ZNF891: variants seen among roughly 807,000 people sequenced by gnomAD.
ZNF891 encodes hCG1646157.
For synonymous variants in ZNF891, 199 were observed against 209.0 expected, an observed-to-expected ratio of 0.95 and a Z score of 0.41; for missense variants, 589 against 632.7, an observed-to-expected ratio of 0.93 and a Z score of 0.74.
rs537263409 is a variant in ZNF891, at chr12:133,110,465, G to A, written c.*9819C>T. ...GAAGTTACTATGAATGCAGAAAGGC[G>A]ACAGAACAACAGATGCAATCAATAT... On this transcript the variant is annotated 3_prime_UTR_variant, in exon 2 of 2. Transcript: ENST00000537226. 17 of 152,270 alleles carry A rather than the reference G, an allele frequency of 1.1e-4. No individual in the cohort carries two copies. Among genetic ancestry groups the A allele is most frequent in the African/African-American group, 3.9e-4 (16 of 41,540 alleles). 9.4% of individuals were successfully genotyped at this position (152,270 alleles called of 1,614,324 possible). A position where few individuals can be genotyped will look rare whatever the true frequency, so the allele number is the denominator to read the frequency against.
At chr12:133,126,857 A>G (rs889566798) in intron 1 of ZNF891, among the ~76,000 whole-genome samples, 2 of 152,052 alleles carry the variant, frequency 1.3e-5, no homozygotes, top group African/African-American at 4.8e-5. Flanking sequence ...TCTAAAAGAA[A>G]AAGTAAGAAT....
chr12:133,120,811 G>A lies in ZNF891; in HGVS notation c.1108C>T (p.His370Tyr). The A allele has an allele frequency of 1.9e-6, 3 of 1,567,842 alleles. No individual in the cohort carries two copies. The highest frequency in any genetic ancestry group is 2.6e-6 in the Non-Finnish European group (3 of 1,157,708). The change falls in exon 2 of 2, where the codon CAC becomes TAC. Residue 370 changes from histidine to tyrosine, a missense_variant. By Grantham distance (83) the His-to-Tyr change is moderately conservative. Coordinates refer to ENST00000537226, the MANE Select transcript of ZNF891 (RefSeq NM_001277291.2). ...CATTCATAGGGTTTCTCTCCAGTGTGAGTTCTTACATGTCTCCTTAAGGTT... is the reference window on the plus strand; with the variant it reads ...CATTCATAGGGTTTCTCTCCAGTGTAAGTTCTTACATGTCTCCTTAAGGTT... Reference protein sequence around the residue: ...SSTLRRHVRTHTGEKPYECNQ... With the variant: ...SSTLRRHVRTYTGEKPYECNQ...
intron 1 of ZNF891, chr12:133,122,307 C>T: frequency 1.2e-6 from 1 of 852,854 alleles, no homozygotes; most frequent in Non-Finnish European, 1.4e-6. Context: ...TAAAGAGAAC[C>T]AACCAGTAAA....
In ZNF891 at chr12:133,106,113, G is replaced by T. The variant is rs748056251; in HGVS notation, c.*14171C>A. The T allele has an allele frequency of 2.5e-6, 4 of 1,614,150 alleles. No individual in the cohort carries two copies. The highest frequency in any genetic ancestry group is 3.4e-6 in the Non-Finnish European group (4 of 1,180,020). On this transcript the variant is annotated 3_prime_UTR_variant, in exon 2 of 2. Transcript: ENST00000537226. ...AAACAATATATATGTAGGAAATGTG[G>T]TAAAGCATTTAGCAGTGGCTCAGAA...
In ZNF891 at chr12:133,121,563, G is replaced by T; in HGVS notation, c.356C>A (p.Pro119His). 1 of 1,536,464 alleles carries T rather than the reference G, an allele frequency of 6.5e-7. No homozygotes were observed. Residue 119 changes from proline to histidine, a missense_variant, in exon 2 of 2, where the codon CCT becomes CAT. Pro to His is a moderately conservative substitution (Grantham distance 77). Coordinates refer to ENST00000537226, the MANE Select transcript of ZNF891 (RefSeq NM_001277291.2). Reference sequence around the variant, plus strand: ...CTGCACAGTTGATTCTTTGGTTTTAGGTTGAATCTTCTGGTCTGGACAGAT... The same window carrying T: ...CTGCACAGTTGATTCTTTGGTTTTATGTTGAATCTTCTGGTCTGGACAGAT... ...QAICPDQKIQ[P>H]KTKESTVQKI...
In ZNF891 at chr12:133,108,149, C is replaced by G. The variant is rs1412342823; in HGVS notation, c.*12135G>C. The G allele has an allele frequency of 6.6e-6, 1 of 152,082 alleles. No individual in the cohort carries two copies. The highest frequency in any genetic ancestry group is 2.4e-5 in the African/African-American group (1 of 41,420). 9.4% of individuals were successfully genotyped at this position (152,082 alleles called of 1,614,324 possible). On this transcript the variant is annotated 3_prime_UTR_variant, in exon 2 of 2. Transcript: ENST00000537226. ...TATCTTACAATAGTGTACAGTCTGA[C>G]TCGAATACAAGCAGCATGCCTTACT...
At chr12:133,124,074 C>T (rs1955791375) in intron 1 of ZNF891, among the ~76,000 whole-genome samples, 1 of 152,010 alleles carries the variant, frequency 6.6e-6, no homozygotes, top group African/African-American at 2.4e-5. Context: ...CTTTAAAATG[C>T]CTTACCCTAT....
Position 133,106,621 on chromosome 12 carries a change from T to G in ZNF891, c.*13663A>C. On this transcript the variant is annotated 3_prime_UTR_variant, in exon 2 of 2. Coordinates refer to ENST00000537226, the MANE Select transcript of ZNF891 (RefSeq NM_001277291.2). ...CCTATGAATATGAAAATTCATTTAA[T>G]TACCACTCATTCCTTACTGAACACC... is the stretch of plus-strand genomic sequence containing the variant. 1 of 1,602,142 alleles carries G rather than the reference T, an allele frequency of 6.2e-7. No individual in the cohort carries two copies. Among genetic ancestry groups the G allele is most frequent in the Non-Finnish European group, 8.5e-7 (1 of 1,176,230 alleles).
rs1955716638 is a variant in ZNF891, at chr12:133,116,645, T to G, written c.*3639A>C. ...CTGGTCTTTTTTCCTCTATCAATAA[T>G]GTCATTACAATCTTCTGTATTCCTC... On this transcript the variant is annotated 3_prime_UTR_variant, in exon 2 of 2. Coordinates refer to ENST00000537226, the MANE Select transcript of ZNF891 (RefSeq NM_001277291.2). 1.3e-5 allele frequency: 2 copies of G among 152,266 alleles called. No homozygotes were observed. Among genetic ancestry groups the G allele is most frequent in the Admixed American group, 1.3e-4 (2 of 15,284 alleles). The allele number at this position is 152,266 out of a possible 1,614,324, so 9.4% of individuals were successfully genotyped here. A position where few individuals can be genotyped will look rare whatever the true frequency, so the allele number is the denominator to read the frequency against.
At position 133,107,463 on chromosome 12, in the gene ZNF891, A is replaced by G. The variant is rs1219899366; in HGVS notation, c.*12821T>C. ...TGCTGATTTTTTCCCACAGCATGTG[A>G]TTCTGAAAATGTAACTACAATATTG... On this transcript the variant is annotated 3_prime_UTR_variant, in exon 2 of 2. Transcript: ENST00000537226. The G allele has an allele frequency of 1.3e-5, 2 of 152,216 alleles. No homozygotes were observed. The highest frequency in any genetic ancestry group is 2.9e-5 in the Non-Finnish European group (2 of 68,036). 9.4% of individuals were successfully genotyped at this position (152,216 alleles called of 1,614,324 possible). A position where few individuals can be genotyped will look rare whatever the true frequency, so the allele number is the denominator to read the frequency against.
In ZNF891 at chr12:133,122,019, T is replaced by C; in HGVS notation, c.-101A>G. ...CAGGAGGGATGCATTTCACCCGAAG[T>C]TCTCCCTGTAGCCAAAGAAGCAAGT... is the stretch of plus-strand genomic sequence containing the variant. On this transcript the variant is annotated 5_prime_UTR_variant, in exon 2 of 2. Transcript: ENST00000537226. 1.4e-6 allele frequency: 2 copies of C among 1,402,512 alleles called. No homozygotes were observed. The highest frequency in any genetic ancestry group is 1.8e-6 in the Non-Finnish European group (2 of 1,081,580). 86.9% of individuals were successfully genotyped at this position (1,402,512 alleles called of 1,614,324 possible). A position where few individuals can be genotyped will look rare whatever the true frequency, so the allele number is the denominator to read the frequency against.
At position 133,116,322 on chromosome 12, in the gene ZNF891, T is replaced by A. The variant is rs1286331372; in HGVS notation, c.*3962A>T. 1 of 152,252 alleles carries A rather than the reference T, an allele frequency of 6.6e-6. No homozygotes were observed. Among genetic ancestry groups the A allele is most frequent in the East Asian group, 1.9e-4 (1 of 5,202 alleles). The allele number at this position is 152,252 out of a possible 1,614,324, so 9.4% of individuals were successfully genotyped here. A position where few individuals can be genotyped will look rare whatever the true frequency, so the allele number is the denominator to read the frequency against. ...GGTTTCATCATGTTAGCCAGGATGG[T>A]CTCAATCTCCTGACCTCGTGATCCG... On this transcript the variant is annotated 3_prime_UTR_variant, in exon 2 of 2. Transcript: ENST00000537226.
At position 133,121,183 on chromosome 12, in the gene ZNF891, CATAGAGCTTCTCACTT is replaced by C. The variant is rs1461857335; in HGVS notation, c.720_735del (p.Ile240MetfsTer119). 1.3e-6 allele frequency: 2 copies of C among 1,535,338 alleles called. No homozygotes were observed. Among genetic ancestry groups the C allele is most frequent in the African/African-American group, 2.7e-5 (2 of 73,016 alleles). ...AGAGTTGTATCACATTCATGACTTTCATAGAGCTTCTCACTTATAGAGTTTTTCACATAATTGTTTA... is the reference window on the plus strand; with the variant it reads ...AGAGTTGTATCACATTCATGACTTTCATAGAGTTTTTCACATAATTGTTTA... On this transcript the variant is annotated frameshift_variant, in exon 2 of 2. Coordinates refer to ENST00000537226, the MANE Select transcript of ZNF891 (RefSeq NM_001277291.2). LOFTEE classifies it low-confidence loss of function (END_TRUNC).
In ZNF891 at chr12:133,106,109, TGTG is replaced by T; in HGVS notation, c.*14172_*14174del. On this transcript the variant is annotated 3_prime_UTR_variant, in exon 2 of 2. Coordinates refer to ENST00000537226, the MANE Select transcript of ZNF891 (RefSeq NM_001277291.2). Reference sequence around the variant, plus strand: ...AAAGAAACAATATATATGTAGGAAATGTGGTAAAGCATTTAGCAGTGGCTCAGA... The same window carrying T: ...AAAGAAACAATATATATGTAGGAAATGTAAAGCATTTAGCAGTGGCTCAGA... 6.2e-7 allele frequency: 1 copy of T among 1,614,140 alleles called. No individual in the cohort carries two copies. Among genetic ancestry groups the T allele is most frequent in the Non-Finnish European group, 8.5e-7 (1 of 1,180,014 alleles).
Position 133,120,668 on chromosome 12 carries a change from A to G in ZNF891, c.1251T>C (p.Ser417=). 1 of 1,558,228 alleles carries G rather than the reference A, an allele frequency of 6.4e-7. No individual in the cohort carries two copies. Among genetic ancestry groups the G allele is most frequent in the Non-Finnish European group, 8.7e-7 (1 of 1,151,958 alleles). ...NQCGKSFGTS[S]YLIVHKRIHT... ...GTATTCTCTTGTGCACTATAAGGTA[A>G]GAGCTTGTGCCAAAGGATTTTCCAC... The change falls in exon 2 of 2, where the codon TCT becomes TCC. Residue 417 remains serine, a synonymous_variant. Coordinates refer to ENST00000537226, the MANE Select transcript of ZNF891 (RefSeq NM_001277291.2).
rs1238444119 is a variant in ZNF891, at chr12:133,117,969, A to C, written c.*2315T>G. On this transcript the variant is annotated 3_prime_UTR_variant, in exon 2 of 2. Transcript: ENST00000537226. ...TCCTTTTTTTTTTTTTTTTTTTGAG[A>C]TGAAGTCCTGCTCTGTCACCAGGCT... The C allele has an allele frequency of 3.1e-5, 4 of 128,804 alleles. No homozygotes were observed. Among genetic ancestry groups the C allele is most frequent in the African/African-American group, 8.9e-5 (3 of 33,898 alleles). The allele number at this position is 128,804 out of a possible 1,614,324, so 8.0% of individuals were successfully genotyped here. A position where few individuals can be genotyped will look rare whatever the true frequency, so the allele number is the denominator to read the frequency against.
At chr12:133,122,851 G>A (rs1482349204) in intron 1 of ZNF891, among the ~76,000 whole-genome samples, 1 of 152,142 alleles carries the variant, frequency 6.6e-6, no homozygotes, top group East Asian at 1.9e-4. Context: ...AAATGACAAA[G>A]GAAGAACCAT....
Position 133,105,627 on chromosome 12 carries a change from T to G in ZNF891, c.*14657A>C. The G allele has an allele frequency of 6.2e-7, 1 of 1,614,160 alleles. No individual in the cohort carries two copies. The highest frequency in any genetic ancestry group is 8.5e-7 in the Non-Finnish European group (1 of 1,180,028). ...AGTCAAGGCCCTGTGTATTCCAGTT[T>G]TAAAGGAGGCTGGAAATGCAAGGAT... On this transcript the variant is annotated 3_prime_UTR_variant, in exon 2 of 2. Transcript: ENST00000537226.
In ZNF891 at chr12:133,106,663, A is replaced by G. The variant is rs866048915; in HGVS notation, c.*13621T>C. 1 of 1,549,330 alleles carries G rather than the reference A, an allele frequency of 6.5e-7. No homozygotes were observed. Reference sequence around the variant, plus strand: ...CTGAACACCAGTGAATTTACACTGCAAAGAAAAACTATGAATGTATGGAAT... The same window carrying G: ...CTGAACACCAGTGAATTTACACTGCGAAGAAAAACTATGAATGTATGGAAT... On this transcript the variant is annotated 3_prime_UTR_variant, in exon 2 of 2. Coordinates refer to ENST00000537226, the MANE Select transcript of ZNF891 (RefSeq NM_001277291.2).
Sources: allele counts gnomAD v4.1 joint callset (sites outside exome capture counted in the v4.1 genomes callset), GRCh38; gene constraint gnomAD v4.1.1; transcripts MANE v1.5; gene names NCBI Gene and HGNC (gene_info 2026-07-23, HGNC 2026-07-21).